GABBR2: variants seen among roughly 807,000 people sequenced by gnomAD.
The protein encoded by GABBR2 is gamma-aminobutyric acid type B receptor subunit 2.
Under a neutral mutation model 105.6 loss-of-function variants are expected in GABBR2, and 23 were observed. That is an observed-to-expected ratio of 0.22 (90% CI 0.16 to 0.31). GABBR2 has a LOEUF of 0.31. GABBR2 is among the 10% of genes least tolerant of loss of function. GABBR2 has a pLI of 1.00. For missense variants in GABBR2, 734 were observed against 1,245.5 expected (o/e 0.59, Z 6.18); for synonymous variants, 478 against 499.7 (o/e 0.96, Z 0.58).
chr9:98,513,973 G>T (rs10156606), intron 3 of GABBR2, among the ~76,000 whole-genome samples: 1 of 151,982 alleles, frequency 6.6e-6, no homozygotes, highest in East Asian at 1.9e-4. Flanking sequence ...TTTATTGCGG[G>T]ACTATTCACA....
intron 2 of GABBR2, among the ~76,000 whole-genome samples, chr9:98,561,806 C>T (rs1029179142): frequency 2.0e-5 from 3 of 152,134 alleles, no homozygotes; most frequent in Non-Finnish European, 2.9e-5. Flanking sequence ...ATCCCTTGAG[C>T]GCAGGAGTTT....
At chr9:98,459,984 A>G (rs1272979842) in intron 6 of GABBR2, among the ~76,000 whole-genome samples, 2 of 152,274 alleles carry the variant, frequency 1.3e-5, no homozygotes, top group Non-Finnish European at 2.9e-5. Context: ...TGTACTAGGT[A>G]CACCAGGAAA....
chr9:98,601,648 A>C (rs552947061), intron 1 of GABBR2, among the ~76,000 whole-genome samples: 1 of 152,346 alleles, frequency 6.6e-6, no homozygotes, highest in East Asian at 1.9e-4. Context: ...ACCATCTCAA[A>C]GTGAAGGGTG....
At position 98,684,169 on chromosome 9, in the gene GABBR2, T is replaced by TTAAAAAAAAAAAAAAAAAA. The variant is rs376323708; in HGVS notation, c.321+24247_321+24248insTTTTTTTTTTTTTTTTTTA. Among the ~76,000 whole-genome samples, 3 of 66,114 alleles carry TTAAAAAAAAAAAAAAAAAA rather than the reference T, an allele frequency of 4.5e-5. 1 individual carries two copies. Among genetic ancestry groups the TTAAAAAAAAAAAAAAAAAA allele is most frequent in the Admixed American group, 2.1e-4 (1 of 4,762 alleles). 43.4% of individuals were successfully genotyped at this position (66,114 alleles called of 152,430 possible). ...AAAAGAAGAATGCATTTTACCACGG[T>TTAAAAAAAAAAAAAAAAAA]AAAAAAAAAAAAAAAAAAAAAAAAA... is the stretch of plus-strand genomic sequence containing the variant. On this transcript the variant is annotated intron_variant, in intron 1 of 18. Coordinates refer to ENST00000259455, the MANE Select transcript of GABBR2 (RefSeq NM_005458.8).
chr9:98,436,711 C>T (rs957979744), intron 7 of GABBR2, among the ~76,000 whole-genome samples: 9 of 151,946 alleles, frequency 5.9e-5, no homozygotes, highest in African/African-American at 2.2e-4. Flanking sequence ...TCACTTCACT[C>T]TTGCCTAGAA....
chr9:98,687,159 G>A (rs1408809792), intron 1 of GABBR2, among the ~76,000 whole-genome samples: 1 of 151,584 alleles, frequency 6.6e-6, no homozygotes, highest in African/African-American at 2.4e-5. Context: ...TACTGCAACT[G>A]GGGGCAAGAG....
At chr9:98,525,479 G>A (rs2131719456) in intron 3 of GABBR2, among the ~76,000 whole-genome samples, 1 of 152,258 alleles carries the variant, frequency 6.6e-6, no homozygotes, top group South Asian at 2.1e-4. Flanking sequence ...CCACTAAGAT[G>A]GTTATAATCT....
At chr9:98,507,677 T>C (rs572985433) in intron 3 of GABBR2, among the ~76,000 whole-genome samples, 1 of 152,374 alleles carries the variant, frequency 6.6e-6, no homozygotes, top group East Asian at 1.9e-4. Flanking sequence ...GCCAACATGC[T>C]GTTTGAAGCC....
At chr9:98,293,961 C>G in intron 17 of GABBR2, 59 bp from the exon 18 acceptor site, 3 of 1,017,122 alleles carry the variant, frequency 2.9e-6, no homozygotes, top group Non-Finnish European at 4.7e-6. Context: ...TAAAAATCAA[C>G]AATGCAACTT....
rs139992790 is a variant in GABBR2 at position 98,484,414 on chromosome 9, ACAGATCCTATG to A, written c.733-3428_733-3418del. On this transcript the variant is annotated intron_variant, in intron 4 of 18. Coordinates refer to ENST00000259455, the MANE Select transcript of GABBR2 (RefSeq NM_005458.8). ...CCTTGACCATTAGAGGGCCCTGGAG[ACAGATCCTATG>A]CAGAGCCAGGTCATGCCTGCTGCAG... 8.9e-3 allele frequency among the ~76,000 whole-genome samples: 1,357 copies of A among 152,230 alleles called. 24 individuals carry two copies. The highest frequency in any genetic ancestry group is 0.031 in the African/African-American group (1,276 of 41,514).
intron 9 of GABBR2, among the ~76,000 whole-genome samples, chr9:98,393,286 C>G (rs1832226167): frequency 6.7e-6 from 1 of 149,888 alleles, no homozygotes; most frequent in Non-Finnish European, 1.5e-5. Flanking sequence ...CACCCACATA[C>G]CTATCCATCT....
rs550595474 is a variant in GABBR2 at position 98,316,189 on chromosome 9, T to G, written c.1894-4984A>C. Among the ~76,000 whole-genome samples, 7 of 152,252 alleles carry G rather than the reference T, an allele frequency of 4.6e-5. No homozygotes were observed. The East Asian group carries it at 1.4e-3, about 29-fold the overall frequency. ...TTTTCGAGACAGAGTTTCACTCTTG[T>G]TGCCCAGGCTGGAGTGCAATGGCGC... On this transcript the variant is annotated intron_variant, in intron 13 of 18. Transcript: ENST00000259455.
intron 3 of GABBR2, among the ~76,000 whole-genome samples, chr9:98,497,399 A>T (rs950968440): frequency 1.3e-5 from 2 of 151,614 alleles, no homozygotes; most frequent in Admixed American, 1.3e-4. Flanking sequence ...AAATCCCCTA[A>T]TTTTTAAATG....
chr9:98,504,007 GT>G (rs1336958361), intron 3 of GABBR2, among the ~76,000 whole-genome samples: 4 of 152,096 alleles, frequency 2.6e-5, no homozygotes, highest in Non-Finnish European at 4.4e-5. Context: ...TTACAGCTGG[GT>G]TGCCAGCCTG....
chr9:98,364,714 C>G (rs1831646635), intron 12 of GABBR2, among the ~76,000 whole-genome samples: 1 of 151,372 alleles, frequency 6.6e-6, no homozygotes, highest in Non-Finnish European at 1.5e-5. Flanking sequence ...AATTCTCCTG[C>G]CTCAGCCTCC....
intron 1 of GABBR2, among the ~76,000 whole-genome samples, chr9:98,593,794 G>A (rs1193770262): frequency 3.3e-5 from 5 of 152,138 alleles, no homozygotes; most frequent in Non-Finnish European, 5.9e-5. Flanking sequence ...TCCTCACCCC[G>A]TCACCGTGGC....
At chr9:98,644,409 G>A (rs1263987025) in intron 1 of GABBR2, among the ~76,000 whole-genome samples, 2 of 152,214 alleles carry the variant, frequency 1.3e-5, no homozygotes, top group African/African-American at 2.4e-5. Context: ...TTAACATGGG[G>A]ACCTTGGAAT....
chr9:98,440,808 C>T (rs1305572995), intron 7 of GABBR2, among the ~76,000 whole-genome samples: 1 of 152,210 alleles, frequency 6.6e-6, no homozygotes, highest in Non-Finnish European at 1.5e-5. Flanking sequence ...CAGTGTCCAT[C>T]AGGGCCCACA....
chr9:98,694,561 T>C (rs915725096), intron 1 of GABBR2, among the ~76,000 whole-genome samples: 2 of 152,234 alleles, frequency 1.3e-5, no homozygotes, highest in African/African-American at 4.8e-5. Flanking sequence ...GGGGGTTAAA[T>C]GATCACTCAC....
Sources: allele counts gnomAD v4.1 joint callset (sites outside exome capture counted in the v4.1 genomes callset), GRCh38; gene constraint gnomAD v4.1.1; transcripts MANE v1.5; gene names NCBI Gene and HGNC (gene_info 2026-07-23, HGNC 2026-07-21).